The following MARCHF4 variants were observed in gnomAD, a reference collection of about 807,000 sequenced individuals.
MARCHF4 encodes the protein membrane associated ring-CH-type finger 4, also known as E3 ubiquitin-protein ligase MARCHF4.
In MARCHF4, 14 loss-of-function variants were observed where a neutral mutation model predicts 43.9. The ratio of observed to expected loss-of-function variants is 0.32; its 90% CI spans 0.21 to 0.50. MARCHF4 has a LOEUF of 0.50. MARCHF4 is among the 20% of genes least tolerant of loss of function. The pLI is 0.98. For missense variants in MARCHF4, 468 were observed against 536.7 expected (o/e 0.87, Z 1.27); for synonymous variants, 226 against 213.3 (o/e 1.06, Z -0.52).
intron 1 of MARCHF4, among the ~76,000 whole-genome samples, chr2:216,333,362 G>T (rs1452861861): frequency 1.3e-5 from 2 of 152,196 alleles, no homozygotes; most frequent in African/African-American, 4.8e-5. Flanking sequence ...AAAGAAGATG[G>T]CCAAAGGGCG....
At chr2:216,307,442 G>T (rs573543582) in intron 1 of MARCHF4, among the ~76,000 whole-genome samples, 1 of 152,108 alleles carries the variant, frequency 6.6e-6, no homozygotes, top group East Asian at 1.9e-4. Context: ...TTCTGTGGAA[G>T]TTTCTGTGAG....
At chr2:216,313,984 G>A (rs1448543382) in intron 1 of MARCHF4, among the ~76,000 whole-genome samples, 1 of 152,140 alleles carries the variant, frequency 6.6e-6, no homozygotes, top group East Asian at 1.9e-4. Context: ...AATAAGAAGA[G>A]CCATTGATTC....
At chr2:216,264,613 A>G (rs933430929) in intron 3 of MARCHF4, among the ~76,000 whole-genome samples, 5 of 152,186 alleles carry the variant, frequency 3.3e-5, no homozygotes, top group Non-Finnish European at 7.4e-5. Context: ...AAGGAGTGTA[A>G]TGGTACAGTG....
In MARCHF4 at chr2:216,320,660, TTTCTTTC is replaced by T. The variant is rs1408197545; in HGVS notation, c.517-36938_517-36932del. Among the ~76,000 whole-genome samples the T allele has an allele frequency of 2.4e-4, 29 of 121,660 alleles. No individual in the cohort carries two copies. In the East Asian group the frequency reaches 5.8e-3, roughly 24 times the overall value. 79.8% of individuals were successfully genotyped at this position (121,660 alleles called of 152,430 possible). A position where few individuals can be genotyped will look rare whatever the true frequency, so the allele number is the denominator to read the frequency against. On this transcript the variant is annotated intron_variant, in intron 1 of 3. Transcript: ENST00000273067. ...CTTTCTTTCTTTCTTTCTTTCTTTC[TTTCTTTC>T]TTTCTTTCTTTTTTTTTTTTTGAGA...
chr2:216,262,981 C>A (rs565013656), intron 3 of MARCHF4, among the ~76,000 whole-genome samples: 1 of 152,268 alleles, frequency 6.6e-6, no homozygotes, highest in Admixed American at 6.5e-5. Flanking sequence ...CAAATGCCTC[C>A]GGGGTACAGG....
intron 1 of MARCHF4, among the ~76,000 whole-genome samples, chr2:216,314,839 G>A (rs181497349): frequency 1.3e-5 from 2 of 152,226 alleles, no homozygotes; most frequent in Admixed American, 1.3e-4. Flanking sequence ...GGTAAGAAGA[G>A]CATGAGAGGT....
Position 216,340,855 on chromosome 2 carries a change from C to T in MARCHF4, c.516+28890G>A, listed in dbSNP as rs538839296. ...CAGGGCCTTGGATGCTGCACTACCC[C>T]AGTCTACTCAGTGATATGAAAACTG... On this transcript the variant is annotated intron_variant, in intron 1 of 3. Coordinates refer to ENST00000273067, the MANE Select transcript of MARCHF4 (RefSeq NM_020814.3). Among the ~76,000 whole-genome samples the T allele has an allele frequency of 2.0e-5, 3 of 152,320 alleles. No individual in the cohort carries two copies. In the South Asian group the frequency reaches 6.2e-4, roughly 32 times the overall value.
rs200783032 is a variant in MARCHF4 at position 216,267,666 on chromosome 2, CGT to C, written c.866-7989_866-7988del. 3.7e-4 allele frequency among the ~76,000 whole-genome samples: 56 copies of C among 152,288 alleles called. No homozygotes were observed. In the East Asian group the frequency reaches 9.8e-3, roughly 27 times the overall value. ...AGAAAAGAAGTTTGTGGCTTGATGG[CGT>C]GTTTCATATTGTCCCCAAAATGTAT... On this transcript the variant is annotated intron_variant, in intron 3 of 3. Transcript: ENST00000273067.
intron 3 of MARCHF4, chr2:216,266,175 G>C (rs1314846395): frequency 1.3e-5 from 2 of 152,164 alleles, no homozygotes; most frequent in Non-Finnish European, 2.9e-5. Flanking sequence ...TTAATATTAA[G>C]CTTTCAGAGT....
chr2:216,321,834 C>G (rs971847261), intron 1 of MARCHF4: 1 of 152,156 alleles, frequency 6.6e-6, no homozygotes, highest in Non-Finnish European at 1.5e-5. Context: ...TTGTATGACT[C>G]AGAAAAAGAA....
rs1366848647 is a variant in MARCHF4, at chr2:216,320,658, TCTTTCTTTCTTTCTTTC to T, written c.517-36946_517-36930del. On this transcript the variant is annotated intron_variant, in intron 1 of 3. Coordinates refer to ENST00000273067, the MANE Select transcript of MARCHF4 (RefSeq NM_020814.3). ...TTCTTTCTTTCTTTCTTTCTTTCTT[TCTTTCTTTCTTTCTTTC>T]TTTTTTTTTTTTTGAGATGGAGTCC... Among the ~76,000 whole-genome samples, 634 of 122,808 alleles carry T rather than the reference TCTTTCTTTCTTTCTTTC, an allele frequency of 5.2e-3. 2 individuals are homozygous for T. Among genetic ancestry groups the T allele is most frequent in the African/African-American group, 0.016 (430 of 26,338 alleles). The allele number at this position is 122,808 out of a possible 152,430, so 80.6% of individuals were successfully genotyped here. A position where few individuals can be genotyped will look rare whatever the true frequency, so the allele number is the denominator to read the frequency against.
intron 1 of MARCHF4, among the ~76,000 whole-genome samples, chr2:216,322,058 CCGCAA>C (rs1426460586): frequency 1.3e-5 from 2 of 152,140 alleles, no homozygotes; most frequent in Non-Finnish European, 2.9e-5. Context: ...ACTAAACTGA[CCGCAA>C]GCATTGTGCA....
chr2:216,285,477 G>C (rs951719414), intron 1 of MARCHF4, among the ~76,000 whole-genome samples: 2 of 152,148 alleles, frequency 1.3e-5, no homozygotes, highest in African/African-American at 2.4e-5. Context: ...CATCTTTGCA[G>C]CCCTAACATC....
At chr2:216,320,950 A>T (rs1691885446) in intron 1 of MARCHF4, among the ~76,000 whole-genome samples, 1 of 148,942 alleles carries the variant, frequency 6.7e-6, no homozygotes, top group African/African-American at 2.5e-5. Flanking sequence ...AAGTGCTGGG[A>T]TTACAAGCAG....
chr2:216,274,212 G>C (rs1292213221), intron 3 of MARCHF4, among the ~76,000 whole-genome samples: 2 of 152,072 alleles, frequency 1.3e-5, no homozygotes, highest in African/African-American at 2.4e-5. Flanking sequence ...GTACTGTTTG[G>C]GAGCCAAGAG....
chr2:216,286,820 C>T (rs568917110), intron 1 of MARCHF4, among the ~76,000 whole-genome samples: 1 of 152,192 alleles, frequency 6.6e-6, no homozygotes, highest in African/African-American at 2.4e-5. Flanking sequence ...TCTCCAAGAA[C>T]AACAGAAGTG....
chr2:216,319,898 A>G (rs1376572598), intron 1 of MARCHF4, among the ~76,000 whole-genome samples: 2 of 152,158 alleles, frequency 1.3e-5, no homozygotes, highest in Non-Finnish European at 2.9e-5. Flanking sequence ...CCTCACAAAC[A>G]GCACTTGCCA....
At chr2:216,261,028 C>T (rs2105929984) in intron 3 of MARCHF4, among the ~76,000 whole-genome samples, 2 of 152,260 alleles carry the variant, frequency 1.3e-5, no homozygotes, top group Non-Finnish European at 2.9e-5. Flanking sequence ...TCAGCAGCTG[C>T]ATGAATGGGA....
chr2:216,367,419 C>T (rs986390847), intron 1 of MARCHF4, among the ~76,000 whole-genome samples: 1 of 150,282 alleles, frequency 6.7e-6, no homozygotes, highest in South Asian at 2.1e-4. Flanking sequence ...CCTTATCTCC[C>T]CTCCTTTGTC....
Sources: gnomAD v4.1 joint callset for allele counts (sites outside exome capture counted in the v4.1 genomes callset) on GRCh38, gnomAD v4.1.1 for gene constraint, MANE v1.5 for transcripts, NCBI Gene and HGNC (gene_info 2026-07-23, HGNC 2026-07-21) for gene names.